The following DENND6A variants were observed in gnomAD, a reference collection of about 807,000 sequenced individuals.
DENND6A encodes the protein DENN domain containing 6A, also known as protein DENND6A.
DENND6A carries 43 observed loss-of-function variants against 95.5 expected under a neutral mutation model. That is an observed-to-expected ratio of 0.45 (90% confidence interval 0.35 to 0.58). DENND6A has a LOEUF of 0.58. DENND6A is among the 20% of genes least tolerant of loss of function. The pLI, the probability that DENND6A is intolerant of heterozygous loss-of-function variation, is 0.00. For synonymous variants in DENND6A, 257 were observed against 260.4 expected, an observed-to-expected ratio of 0.99 and a Z score of 0.13; for missense variants, 574 against 736.0, an observed-to-expected ratio of 0.78 and a Z score of 2.55.
At chr3:57,671,304 C>CACG (rs1394186068) in intron 3 of DENND6A, among the ~76,000 whole-genome samples, 2 of 152,090 alleles carry the variant, frequency 1.3e-5, no homozygotes, top group Non-Finnish European at 2.9e-5. Flanking sequence ...GTGGGCAGAT[C>CACG]ACGAGGTCAA....
chr3:57,666,463 T>C (rs1287930280), intron 3 of DENND6A, among the ~76,000 whole-genome samples: 1 of 152,228 alleles, frequency 6.6e-6, no homozygotes, highest in Non-Finnish European at 1.5e-5. Flanking sequence ...CTAAGTCTCT[T>C]TACTATTTTT....
intron 1 of DENND6A, among the ~76,000 whole-genome samples, chr3:57,686,335 A>G (rs1218299810): frequency 1.3e-5 from 2 of 152,366 alleles, no homozygotes; most frequent in South Asian, 2.1e-4. Flanking sequence ...AAATCTTTCA[A>G]AATAAATCTT....
In DENND6A at chr3:57,625,658, T is replaced by C. The variant is rs759571416; in HGVS notation, c.*2556A>G. 2 of 151,992 alleles carry C rather than the reference T, an allele frequency of 1.3e-5. No homozygotes were observed. The highest frequency in any genetic ancestry group is 6.6e-5 in the Admixed American group (1 of 15,208). 9.4% of individuals were successfully genotyped at this position (151,992 alleles called of 1,614,324 possible). ...TTCTTCTTAAAAAAAAAAAGACAAA[T>C]CTAAAAATCACGCACCAAAAATTAT... On this transcript the variant is annotated 3_prime_UTR_variant, in exon 20 of 20. Coordinates refer to ENST00000311128, the MANE Select transcript of DENND6A (RefSeq NM_152678.3).
intron 18 of DENND6A, 135 bp from the exon 19 acceptor site, chr3:57,629,020 T>C (rs2070597927): frequency 1.6e-6 from 1 of 618,168 alleles, no homozygotes; most frequent in African/African-American, 1.9e-5. Flanking sequence ...GATATAGCAT[T>C]ATAGTGCAAG....
chr3:57,682,977 C>T (rs577176209), intron 1 of DENND6A, among the ~76,000 whole-genome samples: 21 of 152,212 alleles, frequency 1.4e-4, no homozygotes, highest in African/African-American at 4.1e-4. Context: ...CACACCTGGC[C>T]GACTATATGC....
chr3:57,661,052 T>C (rs555039437), intron 6 of DENND6A, among the ~76,000 whole-genome samples: 19 of 152,330 alleles, frequency 1.2e-4, no homozygotes, highest in African/African-American at 4.6e-4. Context: ...TTGGTTAATT[T>C]ATATCCTAAG....
At chr3:57,692,585 C>T (rs1235546909) in intron 1 of DENND6A, among the ~76,000 whole-genome samples, 197 bp downstream of exon 1, 9 of 152,238 alleles carry the variant, frequency 5.9e-5, no homozygotes, top group Non-Finnish European at 1.2e-4. Flanking sequence ...GAACTTTTCA[C>T]CCCTAGCCGC....
chr3:57,646,534 A>C, intron 9 of DENND6A, 96 bp from the exon 10 acceptor site: 1 of 1,438,566 alleles, frequency 7.0e-7, no homozygotes, highest in East Asian at 2.5e-5. Context: ...CATTGATATA[A>C]ATTCTTCCTG....
At chr3:57,631,964 C>A (rs1399479664) in intron 15 of DENND6A, among the ~76,000 whole-genome samples, 1 of 132,104 alleles carries the variant, frequency 7.6e-6, no homozygotes, top group African/African-American at 2.8e-5. Flanking sequence ...CCTCGTGATC[C>A]GCCCGCCTCG....
At chr3:57,685,729 C>A (rs2077205883) in intron 1 of DENND6A, among the ~76,000 whole-genome samples, 1 of 150,444 alleles carries the variant, frequency 6.6e-6, no homozygotes, top group African/African-American at 2.5e-5. Context: ...AGCATTCATT[C>A]TTTTTTTTTA....
At chr3:57,680,013 TG>T (rs1348281865) in intron 1 of DENND6A, among the ~76,000 whole-genome samples, 1 of 152,180 alleles carries the variant, frequency 6.6e-6, no homozygotes. Context: ...GTGGGAACAA[TG>T]GACTGTATGT....
intron 9 of DENND6A, chr3:57,654,938 A>G (rs761800265): frequency 6.8e-6 from 2 of 293,366 alleles, no homozygotes; most frequent in Non-Finnish European, 1.0e-5. Flanking sequence ...CAAATAAAGC[A>G]TTAATCTAAT....
At chr3:57,666,291 G>T in intron 3 of DENND6A, 56 bp from the exon 4 acceptor site, 1 of 1,357,584 alleles carries the variant, frequency 7.4e-7, no homozygotes. Flanking sequence ...CATTTATCCA[G>T]TTTCATCAAT....
intron 9 of DENND6A, chr3:57,654,673 T>C: frequency 1.0e-6 from 1 of 985,232 alleles, no homozygotes; most frequent in Non-Finnish European, 1.2e-6. Context: ...ATGAGGAAAC[T>C]ATTTCTGTGA....
intron 1 of DENND6A, among the ~76,000 whole-genome samples, chr3:57,690,820 C>T (rs957201567): frequency 6.6e-6 from 1 of 152,116 alleles, no homozygotes; most frequent in Non-Finnish European, 1.5e-5. Context: ...TTTTCTGAAG[C>T]CCTACTAGGT....
chr3:57,686,709 A>C (rs1160272542), intron 1 of DENND6A, among the ~76,000 whole-genome samples: 1 of 152,220 alleles, frequency 6.6e-6, no homozygotes, highest in African/African-American at 2.4e-5. Flanking sequence ...ATGCCCATAT[A>C]AGATGGCAAA....
intron 7 of DENND6A, among the ~76,000 whole-genome samples, chr3:57,659,678 G>A (rs1422585375): frequency 6.6e-6 from 1 of 152,164 alleles, no homozygotes; most frequent in Non-Finnish European, 1.5e-5. Context: ...AGTCCTACTC[G>A]ACAGTGACTT....
chr3:57,673,523 G>C (rs765488491), intron 1 of DENND6A, among the ~76,000 whole-genome samples: 1 of 152,102 alleles, frequency 6.6e-6, no homozygotes, highest in Non-Finnish European at 1.5e-5. Context: ...AGCACAATAG[G>C]ACAACCACAG....
chr3:57,692,838 A>T lies in DENND6A; in HGVS notation c.181T>A (p.Trp61Arg). 6.3e-7 allele frequency: 1 copy of T among 1,583,862 alleles called. No individual in the cohort carries two copies. Among genetic ancestry groups the T allele is most frequent in the South Asian group, 1.1e-5 (1 of 87,122 alleles). Residue 61 changes from tryptophan to arginine, a missense_variant, in exon 1 of 20, where the codon TGG becomes AGG. Coordinates refer to ENST00000311128, the MANE Select transcript of DENND6A (RefSeq NM_152678.3). ...GLLRWDSFSA[W>R]LHCVCVVGFD... ...CCCACCACACACACGCAGTGCAGCC[A>T]GGCGGAGAAGCTGTCCCAGCGCAGC...
Sources: allele counts gnomAD v4.1 joint callset (sites outside exome capture counted in the v4.1 genomes callset), GRCh38; gene constraint gnomAD v4.1.1; transcripts MANE v1.5; gene names NCBI Gene and HGNC (gene_info 2026-07-23, HGNC 2026-07-21).